Variants in ST8SIA6 observed in about 807,000 individuals in gnomAD.
ST8SIA6 encodes ST8 alpha-N-acetyl-neuraminide alpha-2,8-sialyltransferase 6.
In ST8SIA6, 39 loss-of-function variants were observed where a neutral mutation model predicts 33.6. The ratio of observed to expected loss-of-function variants is 1.16; its 90% CI spans 0.90 to 1.52. ST8SIA6 has a LOEUF of 1.52. Among genes scored for constraint, ST8SIA6 ranks in the 40% most tolerant of loss-of-function variants. ST8SIA6 has a pLI of 0.00. For missense variants in ST8SIA6, 441 were observed against 443.8 expected, an observed-to-expected ratio of 0.99 and a Z score of 0.06; for synonymous variants, 172 against 167.2, an observed-to-expected ratio of 1.03 and a Z score of -0.22.
At chr10:17,391,799 A>T (rs906705913) in intron 2 of ST8SIA6, among the ~76,000 whole-genome samples, 4 of 152,220 alleles carry the variant, frequency 2.6e-5, no homozygotes, top group Non-Finnish European at 1.5e-5. Flanking sequence ...AGCCTCAGGG[A>T]CATAGGCATG....
intron 2 of ST8SIA6, among the ~76,000 whole-genome samples, chr10:17,397,226 G>GTTTTTTTTTT (rs1483021820): frequency 1.2e-5 from 1 of 80,056 alleles, no homozygotes; most frequent in Non-Finnish European, 2.4e-5. Flanking sequence ...TTTGCAAATT[G>GTTTTTTTTTT]TTTTTTGTTT....
chr10:17,350,811 A>G (rs1005682901), intron 4 of ST8SIA6, among the ~76,000 whole-genome samples: 13 of 152,320 alleles, frequency 8.5e-5, no homozygotes, highest in Admixed American at 3.3e-4. Context: ...AGATACGGCC[A>G]TTGATAGTTA....
intron 6 of ST8SIA6, among the ~76,000 whole-genome samples, chr10:17,324,713 A>ACG (rs1848065401): frequency 6.9e-6 from 1 of 144,744 alleles, no homozygotes; most frequent in Admixed American, 6.9e-5. Flanking sequence ...GAGTATACAC[A>ACG]CACACACACA....
chr10:17,451,189 G>C (rs1341122641), intron 2 of ST8SIA6, among the ~76,000 whole-genome samples: 2 of 152,292 alleles, frequency 1.3e-5, no homozygotes, highest in South Asian at 4.2e-4. Flanking sequence ...TCCCTCAGTA[G>C]AGGACTGGAT....
chr10:17,431,482 T>C (rs1433698938), intron 2 of ST8SIA6, among the ~76,000 whole-genome samples: 4 of 152,158 alleles, frequency 2.6e-5, no homozygotes, highest in African/African-American at 7.2e-5. Context: ...GACTGTAATA[T>C]AGATTTATTT....
intron 2 of ST8SIA6, among the ~76,000 whole-genome samples, chr10:17,414,322 A>T (rs964875746): frequency 6.6e-6 from 1 of 152,054 alleles, no homozygotes; most frequent in Admixed American, 6.6e-5. Flanking sequence ...TCCTCTTTCA[A>T]AATTGTTATT....
chr10:17,450,566 G>A (rs1238935273), intron 2 of ST8SIA6, among the ~76,000 whole-genome samples: 1 of 152,066 alleles, frequency 6.6e-6, no homozygotes, highest in Non-Finnish European at 1.5e-5. Flanking sequence ...TCAGCCTCCT[G>A]AGTAGCTGGG....
At chr10:17,324,708 TACACAC>T (rs6143806) in intron 6 of ST8SIA6, among the ~76,000 whole-genome samples, 23 of 140,014 alleles carry the variant, frequency 1.6e-4, no homozygotes, top group African/African-American at 4.0e-4. Context: ...ATATAGAGTA[TACACAC>T]ACACACACAC....
At chr10:17,365,336 A>G (rs1275240304) in intron 3 of ST8SIA6, among the ~76,000 whole-genome samples, 1 of 152,242 alleles carries the variant, frequency 6.6e-6, no homozygotes, top group East Asian at 1.9e-4. Context: ...TTCAAGCACT[A>G]TAATTTATGG....
chr10:17,341,351 C>T (rs545282057), intron 4 of ST8SIA6, among the ~76,000 whole-genome samples: 16 of 152,204 alleles, frequency 1.1e-4, no homozygotes, highest in South Asian at 1.0e-3. Context: ...AATAACGTCC[C>T]GGCTGGAGAA....
At chr10:17,408,828 T>A (rs1349227137) in intron 2 of ST8SIA6, among the ~76,000 whole-genome samples, 1 of 151,982 alleles carries the variant, frequency 6.6e-6, no homozygotes, top group African/African-American at 2.4e-5. Flanking sequence ...CAATGTTGGC[T>A]CACCACAACC....
chr10:17,433,366 A>G (rs1298766958), intron 2 of ST8SIA6, among the ~76,000 whole-genome samples: 2 of 152,252 alleles, frequency 1.3e-5, no homozygotes, highest in Non-Finnish European at 2.9e-5. Flanking sequence ...TTTATTTGCC[A>G]GATTAAAGAT....
At chr10:17,441,901 C>A (rs1195004609) in intron 2 of ST8SIA6, among the ~76,000 whole-genome samples, 1 of 148,260 alleles carries the variant, frequency 6.7e-6, no homozygotes, top group Non-Finnish European at 1.5e-5. Context: ...TGGAGTCTTG[C>A]TCTGTCACCC....
chr10:17,364,858 C>A (rs1393595428), intron 3 of ST8SIA6, among the ~76,000 whole-genome samples: 2 of 152,212 alleles, frequency 1.3e-5, no homozygotes, highest in Admixed American at 1.3e-4. Flanking sequence ...GCACAGATCT[C>A]ACCCCAAAAT....
chr10:17,379,417 G>C (rs148757281), intron 3 of ST8SIA6, among the ~76,000 whole-genome samples: 1 of 152,090 alleles, frequency 6.6e-6, no homozygotes, highest in African/African-American at 2.4e-5. Context: ...CAGGAGTGTC[G>C]GGTCACACCT....
intron 3 of ST8SIA6, among the ~76,000 whole-genome samples, chr10:17,363,739 G>T (rs559804029): frequency 6.6e-6 from 1 of 152,124 alleles, no homozygotes; most frequent in African/African-American, 2.4e-5. Flanking sequence ...TACACCACAG[G>T]AATTGGCAAA....
chr10:17,401,867 C>T (rs902116309), intron 2 of ST8SIA6, among the ~76,000 whole-genome samples: 4 of 150,906 alleles, frequency 2.7e-5, no homozygotes, highest in African/African-American at 4.9e-5. Flanking sequence ...AGGACATAGG[C>T]ATGGGCAGGG....
intron 2 of ST8SIA6, among the ~76,000 whole-genome samples, chr10:17,425,848 G>C (rs866266741): frequency 6.6e-6 from 1 of 151,930 alleles, no homozygotes; most frequent in Admixed American, 6.5e-5. Flanking sequence ...GGTGGTATAA[G>C]GCCTAAAATT....
intron 2 of ST8SIA6, among the ~76,000 whole-genome samples, chr10:17,412,226 T>C (rs1026689630): frequency 2.6e-5 from 4 of 152,130 alleles, no homozygotes; most frequent in Non-Finnish European, 5.9e-5. Context: ...ATGCCTGCTC[T>C]CCCTGCTAGC....
Sources: allele counts gnomAD v4.1 joint callset (sites outside exome capture counted in the v4.1 genomes callset), GRCh38; gene constraint gnomAD v4.1.1; transcripts MANE v1.5; gene names NCBI Gene and HGNC (gene_info 2026-07-23, HGNC 2026-07-21).